Variants in CRYL1 observed in about 807,000 individuals in gnomAD.
The protein encoded by CRYL1 is lambda-crystallin homolog.
In CRYL1, 29 loss-of-function variants were observed where a neutral mutation model predicts 36.6. The observed-to-expected ratio is 0.79, with a 90% confidence interval of 0.59 to 1.08. CRYL1 has a LOEUF of 1.08. Ranked by LOEUF, CRYL1 falls within the 50% of genes least tolerant of loss-of-function variation. CRYL1 has a pLI of 0.00. For missense variants in CRYL1, 411 were observed against 407.9 expected (o/e 1.01, Z -0.06); for synonymous variants, 152 against 151.5 (o/e 1.00, Z -0.02).
At position 20,404,045 on chromosome 13, in the gene CRYL1, A is replaced by T; in HGVS notation, c.*84T>A. 1.1e-6 allele frequency: 1 copy of T among 935,210 alleles called. No homozygotes were observed. The highest frequency in any genetic ancestry group is 1.7e-6 in the Non-Finnish European group (1 of 582,132). 57.9% of individuals were successfully genotyped at this position (935,210 alleles called of 1,614,324 possible). A position where few individuals can be genotyped will look rare whatever the true frequency, so the allele number is the denominator to read the frequency against. On this transcript the variant is annotated 3_prime_UTR_variant, in exon 8 of 8. Coordinates refer to ENST00000298248, the MANE Select transcript of CRYL1 (RefSeq NM_015974.3). ...TTAGGATCTCCGTGGGCTGCTACCTATGTCACAGAGGGCTGATTAAGGGCT... is the reference window on the plus strand; with the variant it reads ...TTAGGATCTCCGTGGGCTGCTACCTTTGTCACAGAGGGCTGATTAAGGGCT...
intron 2 of CRYL1, among the ~76,000 whole-genome samples, chr13:20,491,762 A>G (rs2033517439): frequency 6.6e-6 from 1 of 152,164 alleles, no homozygotes; most frequent in African/African-American, 2.4e-5. Flanking sequence ...CTGTACTCCA[A>G]CCTGGATGAC....
chr13:20,461,220 T>C (rs935508280), intron 3 of CRYL1, among the ~76,000 whole-genome samples: 2 of 152,250 alleles, frequency 1.3e-5, no homozygotes, highest in Admixed American at 1.3e-4. Context: ...TTTAATATGA[T>C]GCAGACACTG....
At chr13:20,430,381 A>G in intron 5 of CRYL1, 1 of 985,362 alleles carries the variant, frequency 1.0e-6, no homozygotes, top group Non-Finnish European at 1.2e-6. Flanking sequence ...AGACATATGC[A>G]GGCTTCACTT....
intron 3 of CRYL1, among the ~76,000 whole-genome samples, chr13:20,443,895 A>C (rs773046620): frequency 3.3e-5 from 5 of 152,266 alleles, no homozygotes; most frequent in Non-Finnish European, 7.3e-5. Flanking sequence ...AATATGAATT[A>C]GAATCCTACT....
intron 5 of CRYL1, among the ~76,000 whole-genome samples, chr13:20,414,255 T>TGTG (rs1555226015): frequency 0.019 from 2,811 of 151,262 alleles, 89 homozygotes; most frequent in African/African-American, 0.063. Context: ...AAGAGATTTT[T>TGTG]TGTGTGTGTG....
chr13:20,432,824 C>G (rs1021969749), intron 4 of CRYL1, among the ~76,000 whole-genome samples: 2 of 152,080 alleles, frequency 1.3e-5, no homozygotes, highest in African/African-American at 4.8e-5. Context: ...TCAAGACCAG[C>G]CTAGGCAACA....
chr13:20,512,478 CTCAATG>C lies in CRYL1; in HGVS notation c.108_113del (p.Asp36_Ile37del). The C allele has an allele frequency of 6.2e-7, 1 of 1,614,094 alleles. No individual in the cohort carries two copies. ...CCAGGGCGTTCCTTATCTGCTGTTG[CTCAATG>C]TCATAGAGTTTCACCTGGAAGCCTC... On this transcript the variant is annotated inframe_deletion, in exon 2 of 8. Coordinates refer to ENST00000298248, the MANE Select transcript of CRYL1 (RefSeq NM_015974.3).
chr13:20,420,223 G>A (rs982314555), intron 5 of CRYL1, among the ~76,000 whole-genome samples: 14 of 152,252 alleles, frequency 9.2e-5, no homozygotes, highest in Non-Finnish European at 1.2e-4. Flanking sequence ...AGTCTTCCAA[G>A]AGGACGCGCA....
intron 2 of CRYL1, among the ~76,000 whole-genome samples, chr13:20,491,648 G>A (rs1479034637): frequency 1.3e-5 from 2 of 152,074 alleles, no homozygotes; most frequent in Non-Finnish European, 2.9e-5. Flanking sequence ...AAAACTAGCT[G>A]GGCGTGATGG....
At chr13:20,468,282 AACTT>A (rs949421643) in intron 3 of CRYL1, among the ~76,000 whole-genome samples, 29 of 152,046 alleles carry the variant, frequency 1.9e-4, no homozygotes, top group Non-Finnish European at 5.9e-5. Flanking sequence ...ATCTCTTCTA[AACTT>A]ACTTTTTATT....
chr13:20,440,128 G>A (rs977095668), intron 3 of CRYL1, among the ~76,000 whole-genome samples: 2 of 152,216 alleles, frequency 1.3e-5, no homozygotes, highest in East Asian at 1.9e-4. Context: ...TTTCATGCCA[G>A]CTAGATCGTA....
At chr13:20,502,940 T>C (rs1027512117) in intron 2 of CRYL1, among the ~76,000 whole-genome samples, 1 of 152,158 alleles carries the variant, frequency 6.6e-6, no homozygotes, top group Non-Finnish European at 1.5e-5. Flanking sequence ...AGCCCAACCA[T>C]GACTGCTAAT....
At chr13:20,472,676 C>T (rs368470043) in intron 3 of CRYL1, among the ~76,000 whole-genome samples, 44 of 152,292 alleles carry the variant, frequency 2.9e-4, no homozygotes, top group Middle Eastern at 6.8e-3. Context: ...TTAAGGACAG[C>T]GCGTGGCCCT....
intron 3 of CRYL1, among the ~76,000 whole-genome samples, chr13:20,453,431 T>C (rs965067740): frequency 6.6e-6 from 1 of 151,966 alleles, no homozygotes; most frequent in Non-Finnish European, 1.5e-5. Flanking sequence ...TATATTTGAA[T>C]ATTTTGAAAT....
intron 3 of CRYL1, among the ~76,000 whole-genome samples, chr13:20,473,715 C>T (rs184473956): frequency 1.3e-5 from 2 of 152,370 alleles, no homozygotes; most frequent in East Asian, 3.9e-4. Context: ...GGTGTAAAAG[C>T]TGACGTTACA....
At chr13:20,520,693 C>A (rs991866198) in intron 1 of CRYL1, among the ~76,000 whole-genome samples, 3 of 152,170 alleles carry the variant, frequency 2.0e-5, no homozygotes, top group East Asian at 1.9e-4. Context: ...TCAGTCATTG[C>A]TGATTGGACA....
intron 1 of CRYL1, among the ~76,000 whole-genome samples, chr13:20,520,833 C>T (rs1319697802): frequency 2.0e-5 from 3 of 152,082 alleles, no homozygotes; most frequent in Non-Finnish European, 2.9e-5. Context: ...GGGCCGGGCA[C>T]GGTGGCTCAC....
intron 2 of CRYL1, among the ~76,000 whole-genome samples, chr13:20,498,473 C>T (rs1040750936): frequency 2.0e-5 from 3 of 152,100 alleles, no homozygotes; most frequent in South Asian, 2.1e-4. Flanking sequence ...TGTCTAGGCC[C>T]GTGTGTCGGA....
At chr13:20,497,363 CACA>C (rs1235035759) in intron 2 of CRYL1, among the ~76,000 whole-genome samples, 32 of 132,200 alleles carry the variant, frequency 2.4e-4, no homozygotes, top group African/African-American at 9.3e-4. Context: ...CCACCATACA[CACA>C]ACTACACACA....
Sources: gnomAD v4.1 joint callset for allele counts (sites outside exome capture counted in the v4.1 genomes callset) on GRCh38, gnomAD v4.1.1 for gene constraint, MANE v1.5 for transcripts, NCBI Gene and HGNC (gene_info 2026-07-23, HGNC 2026-07-21) for gene names.